Variants in JAM3 observed in about 807,000 individuals in gnomAD.
JAM3 encodes the protein junctional adhesion molecule 3, also known as junctional adhesion molecule C.
In JAM3, 31 loss-of-function variants were observed where a neutral mutation model predicts 39.4. The ratio of observed to expected loss-of-function variants is 0.79; its 90% confidence interval spans 0.59 to 1.06. JAM3 has a LOEUF of 1.06. Ranked by LOEUF, JAM3 falls within the 50% of genes least tolerant of loss-of-function variation. The pLI, the probability that JAM3 is intolerant of heterozygous loss-of-function variation, is 0.00. For synonymous variants in JAM3, 182 were observed against 148.7 expected (o/e 1.22, Z -1.63); for missense variants, 455 against 391.4 (o/e 1.16, Z -1.37).
At chr11:134,095,841 A>G (rs1215697580) in intron 1 of JAM3, among the ~76,000 whole-genome samples, 1 of 152,130 alleles carries the variant, frequency 6.6e-6, no homozygotes, top group Non-Finnish European at 1.5e-5. Context: ...AACATCTTAA[A>G]TGTTGTCATC....
At chr11:134,079,241 C>A (rs1426152968) in intron 1 of JAM3, among the ~76,000 whole-genome samples, 2 of 152,142 alleles carry the variant, frequency 1.3e-5, no homozygotes, top group Non-Finnish European at 2.9e-5. Context: ...GTCTGAAAAG[C>A]AAACATCTAT....
intron 1 of JAM3, among the ~76,000 whole-genome samples, chr11:134,129,413 G>C (rs1447285391): frequency 6.6e-6 from 1 of 152,012 alleles, no homozygotes; most frequent in Non-Finnish European, 1.5e-5. Context: ...ACTGTGCCCA[G>C]CCTCTTTTCA....
At chr11:134,076,937 C>G (rs370108928) in intron 1 of JAM3, among the ~76,000 whole-genome samples, 3 of 148,364 alleles carry the variant, frequency 2.0e-5, no homozygotes, top group African/African-American at 7.5e-5. Flanking sequence ...TGGGTTCAAG[C>G]GATTCTTCTA....
chr11:134,102,230 G>A (rs554750561), intron 1 of JAM3, among the ~76,000 whole-genome samples: 316 of 152,244 alleles, frequency 2.1e-3, no homozygotes, highest in Non-Finnish European at 2.4e-3. Context: ...TGCAGCCTCC[G>A]CTGCTGATAA....
At chr11:134,083,704 A>G (rs1941703193) in intron 1 of JAM3, among the ~76,000 whole-genome samples, 1 of 152,110 alleles carries the variant, frequency 6.6e-6, no homozygotes, top group Non-Finnish European at 1.5e-5. Flanking sequence ...AACCTTGAGG[A>G]AGAAAATTAG....
intron 1 of JAM3, among the ~76,000 whole-genome samples, chr11:134,133,382 G>A (rs1224225785): frequency 6.6e-6 from 1 of 152,250 alleles, no homozygotes; most frequent in East Asian, 1.9e-4. Flanking sequence ...GATTGTAGGG[G>A]AAAAACTTTT....
intron 1 of JAM3, among the ~76,000 whole-genome samples, chr11:134,112,536 GAC>G (rs138360443): frequency 6.4e-4 from 98 of 152,192 alleles, no homozygotes; most frequent in Non-Finnish European, 1.2e-3. Flanking sequence ...TATGTACGAT[GAC>G]ACACACACAT....
chr11:134,126,109 C>G (rs563996478), intron 1 of JAM3, among the ~76,000 whole-genome samples: 2 of 152,180 alleles, frequency 1.3e-5, no homozygotes. Flanking sequence ...CATCCCTTCC[C>G]TGTCCCACCC....
chr11:134,135,030 T>A (rs1281412238), intron 1 of JAM3, among the ~76,000 whole-genome samples: 2 of 152,186 alleles, frequency 1.3e-5, no homozygotes, highest in Non-Finnish European at 2.9e-5. Context: ...TTTTGTTCTT[T>A]TGTTGTCTGT....
chr11:134,138,949 G>A (rs980932766), intron 1 of JAM3, among the ~76,000 whole-genome samples: 2 of 152,206 alleles, frequency 1.3e-5, no homozygotes, highest in African/African-American at 4.8e-5. Flanking sequence ...GAGCAGAGTT[G>A]CTCTGTGATT....
At position 134,076,833 on chromosome 11, in the gene JAM3, C is replaced by CTTTTTTTTTTTTTTTTTTTTTTTTTTT. The variant is rs71038556; in HGVS notation, c.76+7694_76+7695insTTTTTTTTTTTTTTTTTTTTTTTTTTT. Among the ~76,000 whole-genome samples, 3 of 118,532 alleles carry CTTTTTTTTTTTTTTTTTTTTTTTTTTT rather than the reference C, an allele frequency of 2.5e-5. 1 individual carries two copies. Among genetic ancestry groups the CTTTTTTTTTTTTTTTTTTTTTTTTTTT allele is most frequent in the African/African-American group, 6.7e-5 (2 of 29,790 alleles). 77.8% of individuals were successfully genotyped at this position (118,532 alleles called of 152,430 possible). A position where few individuals can be genotyped will look rare whatever the true frequency, so the allele number is the denominator to read the frequency against. On this transcript the variant is annotated intron_variant, in intron 1 of 8. Coordinates refer to ENST00000299106, the MANE Select transcript of JAM3 (RefSeq NM_032801.5). ...TTTGCAATCTCACTAACATCTATTG[C>CTTTTTTTTTTTTTTTTTTTTTTTTTTT]TTTTTTTTTTTTTTTTTTTTGAGAT...
intron 1 of JAM3, 154 bp from the exon 2 acceptor site, chr11:134,139,697 T>G (rs1247640969): frequency 4.4e-6 from 3 of 675,736 alleles, no homozygotes; most frequent in African/African-American, 3.5e-5. Flanking sequence ...AGCAGTTAAC[T>G]TGGCTTACCT....
intron 3 of JAM3, 54 bp from the exon 4 acceptor site, chr11:134,144,187 A>T: frequency 1.9e-6 from 3 of 1,605,470 alleles, no homozygotes; most frequent in Non-Finnish European, 2.6e-6. Flanking sequence ...ACCCTCTTCA[A>T]GTGGCAAAGA....
In JAM3 at chr11:134,150,438, C is replaced by T. The variant is rs374687667; in HGVS notation, c.*1257C>T. On this transcript the variant is annotated 3_prime_UTR_variant, in exon 9 of 9. Coordinates refer to ENST00000299106, the MANE Select transcript of JAM3 (RefSeq NM_032801.5). ...AGCTCACTGTTGCCTCGCTGTCTGC[C>T]AGGAGGCCCTGCCATCCTTGGGCCC... The T allele has an allele frequency of 6.6e-6, 1 of 152,250 alleles. No individual in the cohort carries two copies. Among genetic ancestry groups the T allele is most frequent in the Non-Finnish European group, 1.5e-5 (1 of 68,064 alleles). 9.4% of individuals were successfully genotyped at this position (152,250 alleles called of 1,614,324 possible).
chr11:134,120,685 T>C (rs1473950238), intron 1 of JAM3, among the ~76,000 whole-genome samples: 1 of 152,150 alleles, frequency 6.6e-6, no homozygotes, highest in Non-Finnish European at 1.5e-5. Context: ...ACGGGGAGTT[T>C]GCACATTCAA....
intron 1 of JAM3, among the ~76,000 whole-genome samples, chr11:134,137,636 A>T (rs1942892234): frequency 6.6e-6 from 1 of 151,536 alleles, no homozygotes; most frequent in East Asian, 1.9e-4. Context: ...GTTTATGGCC[A>T]ATAGTCCCTT....
At position 134,139,935 on chromosome 11, in the gene JAM3, C is replaced by T. The variant is rs764187746; in HGVS notation, c.142+19C>T. On this transcript the variant is annotated intron_variant, in intron 2 of 8. Coordinates refer to ENST00000299106, the MANE Select transcript of JAM3 (RefSeq NM_032801.5). ...TTTGAAAGTAAGTACAAACGAAATGCCTAGGATAATGGGCACCATCTACTG... is the reference window on the plus strand; with the variant it reads ...TTTGAAAGTAAGTACAAACGAAATGTCTAGGATAATGGGCACCATCTACTG... 6.3e-6 allele frequency: 10 copies of T among 1,591,330 alleles called. No homozygotes were observed. In the South Asian group the frequency reaches 8.8e-5, roughly 14 times the overall value.
chr11:134,149,269 TCGGA>T lies in JAM3; in HGVS notation c.*90_*93del, dbSNP rs1447239214. The T allele has an allele frequency of 3.3e-6, 5 of 1,502,428 alleles. No homozygotes were observed. In the African/African-American group the frequency reaches 6.9e-5, roughly 21 times the overall value. The allele number at this position is 1,502,428 out of a possible 1,614,324, so 93.1% of individuals were successfully genotyped here. On this transcript the variant is annotated 3_prime_UTR_variant, in exon 9 of 9. Transcript: ENST00000299106. ...GTCAAGGCAGCGAGAGCTGATGCAC[TCGGA>T]CAGAGCTAGACACTCATTCAGAAGC... is the stretch of plus-strand genomic sequence containing the variant.
intron 8 of JAM3, 122 bp from the exon 9 acceptor site, chr11:134,149,024 G>C (rs1239978644): frequency 8.1e-7 from 1 of 1,227,524 alleles, no homozygotes; most frequent in Non-Finnish European, 1.2e-6. Context: ...GCAAGCGCTA[G>C]TGATGGTACT....
Sources: gnomAD v4.1 joint callset for allele counts (sites outside exome capture counted in the v4.1 genomes callset) on GRCh38, gnomAD v4.1.1 for gene constraint, MANE v1.5 for transcripts, NCBI Gene and HGNC (gene_info 2026-07-23, HGNC 2026-07-21) for gene names.